The following SDHC variants were observed in gnomAD, a reference collection of about 807,000 sequenced individuals.
SDHC encodes succinate dehydrogenase cytochrome b560 subunit, mitochondrial.
Under a neutral mutation model 22.6 loss-of-function variants are expected in SDHC, and 11 were observed. That is an observed-to-expected ratio of 0.49 (90% CI 0.31 to 0.81). SDHC has a LOEUF of 0.81. SDHC is among the 30% of genes least tolerant of loss of function. The pLI, the probability that SDHC is intolerant of heterozygous loss-of-function variation, is 0.05. For synonymous variants in SDHC, 80 were observed against 77.8 expected, an observed-to-expected ratio of 1.03 and a Z score of -0.15; for missense variants, 160 against 212.0, an observed-to-expected ratio of 0.75 and a Z score of 1.52.
chr1:161,316,293 A>G (rs577144791), intron 1 of SDHC, among the ~76,000 whole-genome samples: 1 of 152,326 alleles, frequency 6.6e-6, no homozygotes, highest in South Asian at 2.1e-4. Context: ...TCAGACTATC[A>G]CATGGGGAGA....
intron 1 of SDHC, among the ~76,000 whole-genome samples, chr1:161,316,122 C>G (rs907315395): frequency 1.3e-4 from 20 of 152,128 alleles, no homozygotes; most frequent in Non-Finnish European, 2.1e-4. Context: ...GGTTTTACAC[C>G]GAGACATTCC....
chr1:161,324,867 A>AT (rs1257578549), intron 2 of SDHC, among the ~76,000 whole-genome samples: 2 of 152,126 alleles, frequency 1.3e-5, no homozygotes, highest in African/African-American at 4.8e-5. Flanking sequence ...TACACAGTTG[A>AT]TTTTCAGATT....
At chr1:161,344,352 C>G (rs188471388) in intron 4 of SDHC, among the ~76,000 whole-genome samples, 21 of 151,856 alleles carry the variant, frequency 1.4e-4, no homozygotes, top group Admixed American at 1.2e-3. Flanking sequence ...GTCTCAGCTA[C>G]TAGGGAGGCT....
At chr1:161,358,197 C>T (rs1483114165) in intron 5 of SDHC, among the ~76,000 whole-genome samples, 3 of 146,584 alleles carry the variant, frequency 2.0e-5, no homozygotes, top group Non-Finnish European at 3.0e-5. Context: ...CAACCACGGC[C>T]AGCTAATTTT....
chr1:161,317,180 C>T (rs1670648121), intron 1 of SDHC, among the ~76,000 whole-genome samples: 1 of 151,952 alleles, frequency 6.6e-6, no homozygotes, highest in South Asian at 2.1e-4. Flanking sequence ...TGCCACCACG[C>T]CACCACGCCT....
At chr1:161,332,164 A>G (rs181931637) in intron 3 of SDHC, among the ~76,000 whole-genome samples, 2 of 152,124 alleles carry the variant, frequency 1.3e-5, no homozygotes, top group African/African-American at 2.4e-5. Flanking sequence ...TTTTGTAAAG[A>G]CGGTCTCAAT....
intron 2 of SDHC, among the ~76,000 whole-genome samples, chr1:161,327,345 T>A (rs1001550243): frequency 6.6e-6 from 1 of 152,220 alleles, no homozygotes; most frequent in Non-Finnish European, 1.5e-5. Context: ...AAGAAAACTG[T>A]CCTTGACATT....
chr1:161,362,271 G>A (rs2102384448), intron 5 of SDHC, 58 bp from the exon 6 acceptor site: 1 of 1,567,246 alleles, frequency 6.4e-7, no homozygotes, highest in Non-Finnish European at 8.7e-7. Flanking sequence ...TCTGAGACAG[G>A]AACTGTTAAT....
At chr1:161,343,888 A>G (rs16832847) in intron 4 of SDHC, among the ~76,000 whole-genome samples, 1 of 152,130 alleles carries the variant, frequency 6.6e-6, no homozygotes, top group Non-Finnish European at 1.5e-5. Context: ...ATTTGTATTC[A>G]TGGCTAAAAT....
At chr1:161,346,865 T>C (rs1671916511) in intron 4 of SDHC, among the ~76,000 whole-genome samples, 1 of 152,234 alleles carries the variant, frequency 6.6e-6, no homozygotes, top group Non-Finnish European at 1.5e-5. Flanking sequence ...ATATATCCTA[T>C]GTACATCATA....
At chr1:161,323,730 C>T in intron 2 of SDHC, 60 bp downstream of exon 2, 1 of 1,322,606 alleles carries the variant, frequency 7.6e-7, no homozygotes, top group South Asian at 1.3e-5. Flanking sequence ...GAGTCTCGCT[C>T]TGTCACCCAG....
chr1:161,358,012 T>TCAATATTGAG (rs1672348561), intron 5 of SDHC, among the ~76,000 whole-genome samples: 1 of 151,556 alleles, frequency 6.6e-6, no homozygotes, highest in Non-Finnish European at 1.5e-5. Context: ...ATTCCAGGTT[T>TCAATATTGAG]CAATATTGAG....
chr1:161,329,131 C>G (rs764972213), intron 3 of SDHC, among the ~76,000 whole-genome samples: 10 of 152,052 alleles, frequency 6.6e-5, no homozygotes, highest in Non-Finnish European at 1.5e-4. Context: ...TGGTCTTGAT[C>G]TCTTGACCTA....
At chr1:161,350,634 C>T (rs987083963) in intron 4 of SDHC, among the ~76,000 whole-genome samples, 5 of 151,884 alleles carry the variant, frequency 3.3e-5, no homozygotes, top group East Asian at 1.9e-4. Context: ...GACATAAGAC[C>T]GGAATGTGAT....
At position 161,351,528 on chromosome 1, in the gene SDHC, T is replaced by C. The variant is rs1672095611; in HGVS notation, c.242-5149T>C. Among the ~76,000 whole-genome samples the C allele has an allele frequency of 2.0e-5, 3 of 152,198 alleles. No individual in the cohort carries two copies. In the South Asian group the frequency reaches 6.2e-4, roughly 32 times the overall value. On this transcript the variant is annotated intron_variant, in intron 4 of 5. Transcript: ENST00000367975. The stretch of plus-strand genomic sequence containing the variant: ...TAATCAGAATAGTTAATCTTATACC[T>C]CTCAGAAAATGTGTGATATTTGTAG...
rs536741874 is a variant in SDHC at position 161,339,545 on chromosome 1, A to T, written c.180-1049A>T. The T allele has an allele frequency of 1.1e-4, 113 of 1,019,500 alleles. 1 individual carries two copies. The South Asian group carries it at 1.5e-3, about 13-fold the overall frequency. The allele number at this position is 1,019,500 out of a possible 1,614,324, so 63.2% of individuals were successfully genotyped here. On this transcript the variant is annotated intron_variant, in intron 3 of 5. Coordinates refer to ENST00000367975, the MANE Select transcript of SDHC (RefSeq NM_003001.5). ...GCGAAAGGAGTTTTGAGTTATAATC[A>T]TTTTTTTTTTTCTCAGCCCTATCAG...
chr1:161,339,669 T>TTTTG (rs1671644066), intron 3 of SDHC: 5 of 305,126 alleles, frequency 1.6e-5, no homozygotes, highest in South Asian at 3.2e-5. Context: ...GGTGTTTTTT[T>TTTTG]TTTTTTTTTT....
intron 5 of SDHC, among the ~76,000 whole-genome samples, chr1:161,360,644 G>T (rs1190472306): frequency 6.6e-6 from 1 of 151,974 alleles, no homozygotes; most frequent in African/African-American, 2.4e-5. Context: ...ACTTTGGGAG[G>T]CTGAGGCGGG....
At chr1:161,359,469 C>T (rs1000138851) in intron 5 of SDHC, among the ~76,000 whole-genome samples, 4 of 152,326 alleles carry the variant, frequency 2.6e-5, no homozygotes, top group African/African-American at 9.6e-5. Flanking sequence ...TTAATGACTT[C>T]CTATTCCACA....
Sources: allele counts gnomAD v4.1 joint callset (sites outside exome capture counted in the v4.1 genomes callset), GRCh38; gene constraint gnomAD v4.1.1; transcripts MANE v1.5; gene names NCBI Gene and HGNC (gene_info 2026-07-23, HGNC 2026-07-21).